Variants in ZNF423 observed in about 807,000 individuals in gnomAD.
ZNF423 encodes the protein zinc finger protein 423.
A neutral mutation model predicts 95.8 loss-of-function variants in ZNF423; 12 were observed. That is an observed-to-expected ratio of 0.13 (90% confidence interval 0.08 to 0.20). ZNF423 has a LOEUF of 0.20. Among genes scored for constraint, ZNF423 ranks in the 10% least tolerant of loss-of-function variants. ZNF423 has a pLI of 1.00. For synonymous variants in ZNF423, 749 were observed against 711.9 expected (o/e 1.05, Z -0.83); for missense variants, 1,316 against 1,737.1 (o/e 0.76, Z 4.31).
In ZNF423 at chr16:49,554,782, C is replaced by A. The variant is rs543882736; in HGVS notation, c.3602-29288G>T. 4.6e-5 allele frequency among the ~76,000 whole-genome samples: 7 copies of A among 152,070 alleles called. No homozygotes were observed. The East Asian group carries it at 1.4e-3, about 30-fold the overall frequency. The stretch of plus-strand genomic sequence containing the variant: ...CAGATAAAGATCGCCCTTAATTCTA[C>A]CCCTGTTAGAAACCCACTGTCAAGA... On this transcript the variant is annotated intron_variant, in intron 5 of 7. Coordinates refer to ENST00000563137, the MANE Select transcript of ZNF423 (RefSeq NM_001379286.1).
intron 3 of ZNF423, among the ~76,000 whole-genome samples, chr16:49,686,092 C>T (rs1391720360): frequency 1.3e-5 from 2 of 152,186 alleles, no homozygotes; most frequent in Non-Finnish European, 2.9e-5. Context: ...AGAAGATAAA[C>T]GTAGCTATTT....
intron 1 of ZNF423, chr16:49,853,830 G>T (rs1005682552): frequency 2.0e-6 from 2 of 985,168 alleles, no homozygotes. Flanking sequence ...TTGCTTTCTG[G>T]GTCTCGCCGT....
At chr16:49,839,110 C>T (rs1158913003) in intron 1 of ZNF423, among the ~76,000 whole-genome samples, 4 of 146,442 alleles carry the variant, frequency 2.7e-5, no homozygotes, top group Non-Finnish European at 3.0e-5. Context: ...ATTTCTTCCT[C>T]CTCTCCGACC....
At chr16:49,499,491 G>C (rs2241255) in intron 7 of ZNF423, among the ~76,000 whole-genome samples, 18,978 of 152,288 alleles carry the variant, frequency 0.12, 1,314 homozygotes, top group East Asian at 0.22. Flanking sequence ...AGCAGAAGCA[G>C]ATGCAGCGAC....
At chr16:49,600,381 T>C (rs1971326931) in intron 5 of ZNF423, among the ~76,000 whole-genome samples, 2 of 152,016 alleles carry the variant, frequency 1.3e-5, no homozygotes, top group Admixed American at 6.6e-5. Flanking sequence ...TCCCAAGTTA[T>C]GGAGGCAGCA....
intron 3 of ZNF423, among the ~76,000 whole-genome samples, chr16:49,723,745 G>C (rs971952301): frequency 2.0e-5 from 3 of 152,134 alleles, no homozygotes; most frequent in Non-Finnish European, 4.4e-5. Context: ...TTGGTGTCAG[G>C]AGTGAGGGAA....
At chr16:49,515,798 T>C (rs1186169116) in intron 7 of ZNF423, among the ~76,000 whole-genome samples, 1 of 152,220 alleles carries the variant, frequency 6.6e-6, no homozygotes, top group South Asian at 2.1e-4. Context: ...GCAAGGCTCT[T>C]AGGATGGGGA....
intron 2 of ZNF423, among the ~76,000 whole-genome samples, chr16:49,783,484 G>A (rs1398763506): frequency 7.2e-6 from 1 of 139,274 alleles, no homozygotes; most frequent in Non-Finnish European, 1.6e-5. Context: ...TTAGAGTAGG[G>A]TTAGGGTTAG....
intron 5 of ZNF423, among the ~76,000 whole-genome samples, chr16:49,530,748 C>T (rs973712967): frequency 3.3e-5 from 5 of 152,110 alleles, no homozygotes; most frequent in Non-Finnish European, 7.4e-5. Flanking sequence ...AGACTGAGGG[C>T]GTGGAGAGGC....
intron 3 of ZNF423, among the ~76,000 whole-genome samples, chr16:49,641,951 C>T (rs1456028122): frequency 3.3e-5 from 5 of 152,170 alleles, no homozygotes; most frequent in Non-Finnish European, 7.4e-5. Context: ...TGTAAACTTA[C>T]CAAAGACTGG....
At chr16:49,557,992 A>T (rs12932536) in intron 5 of ZNF423, among the ~76,000 whole-genome samples, 34,113 of 152,158 alleles carry the variant, frequency 0.22, 4,100 homozygotes, top group East Asian at 0.41. Flanking sequence ...GGAAAAGACG[A>T]GGGTCCCACC....
At chr16:49,557,921 A>G (rs779973314) in intron 5 of ZNF423, among the ~76,000 whole-genome samples, 3 of 152,130 alleles carry the variant, frequency 2.0e-5, no homozygotes, top group Non-Finnish European at 2.9e-5. Flanking sequence ...GGGGCCCCCA[A>G]AGCCAGAGAG....
chr16:49,856,720 C>G (rs2035374980), upstream of ZNF423, among the ~76,000 whole-genome samples: 1 of 148,206 alleles, frequency 6.7e-6, no homozygotes. Flanking sequence ...GGCCGGCAGG[C>G]GCGCCCGTGC....
chr16:49,633,132 TC>T (rs1972560401), intron 4 of ZNF423, among the ~76,000 whole-genome samples: 1 of 152,168 alleles, frequency 6.6e-6, no homozygotes, highest in Non-Finnish European at 1.5e-5. Flanking sequence ...GGTTCAAGTC[TC>T]CTCTCAGCTC....
chr16:49,742,917 G>A (rs569705277), intron 2 of ZNF423, among the ~76,000 whole-genome samples: 24 of 152,142 alleles, frequency 1.6e-4, no homozygotes, highest in Non-Finnish European at 2.5e-4. Context: ...AAACAGAGGC[G>A]GTGTGAATGG....
intron 5 of ZNF423, among the ~76,000 whole-genome samples, chr16:49,560,199 G>A (rs916353355): frequency 6.6e-5 from 10 of 152,196 alleles, no homozygotes; most frequent in South Asian, 6.2e-4. Flanking sequence ...AGGAGCCAGT[G>A]AGCCTGCTCC....
At chr16:49,776,351 C>T (rs916926739) in intron 2 of ZNF423, among the ~76,000 whole-genome samples, 4 of 152,230 alleles carry the variant, frequency 2.6e-5, no homozygotes, top group Admixed American at 6.5e-5. Flanking sequence ...CTTCCTGCCC[C>T]ATTCCAAGCT....
chr16:49,665,014 G>A (rs573867010), intron 3 of ZNF423, among the ~76,000 whole-genome samples: 3 of 152,170 alleles, frequency 2.0e-5, no homozygotes, highest in Non-Finnish European at 4.4e-5. Flanking sequence ...GCTTCCCTCC[G>A]CTCAGCCTTG....
intron 5 of ZNF423, among the ~76,000 whole-genome samples, chr16:49,624,895 T>C (rs1972206668): frequency 6.6e-6 from 1 of 152,208 alleles, no homozygotes; most frequent in African/African-American, 2.4e-5. Flanking sequence ...ATGCTGGAAA[T>C]AGTCTGTTTC....
Sources: allele counts gnomAD v4.1 joint callset (sites outside exome capture counted in the v4.1 genomes callset), GRCh38; gene constraint gnomAD v4.1.1; transcripts MANE v1.5; gene names NCBI Gene and HGNC (gene_info 2026-07-23, HGNC 2026-07-21).